The following ARNT2 variants were observed in gnomAD, a reference collection of about 807,000 sequenced individuals.
ARNT2 encodes ARNT protein 2.
A neutral mutation model predicts 91.7 loss-of-function variants in ARNT2; 36 were observed. That is an observed-to-expected ratio of 0.39 (90% CI 0.30 to 0.52). ARNT2 has a LOEUF of 0.52. Among genes scored for constraint, ARNT2 ranks in the 20% least tolerant of loss-of-function variants. The pLI is 0.72. For missense variants in ARNT2, 775 were observed against 939.3 expected (o/e 0.83, Z 2.29); for synonymous variants, 365 against 347.1 (o/e 1.05, Z -0.57).
intron 5 of ARNT2, among the ~76,000 whole-genome samples, chr15:80,479,582 T>A (rs1466574344): frequency 6.6e-6 from 1 of 152,196 alleles, no homozygotes; most frequent in Non-Finnish European, 1.5e-5. Flanking sequence ...TCCCCTCATC[T>A]TGACCCAGGA....
rs762553228 is a variant in ARNT2, at chr15:80,580,484, A to G, written c.1687A>G (p.Ile563Val). The change falls in exon 16 of 19, where the codon ATC becomes GTC. Residue 563 changes from isoleucine to valine, a missense_variant. Physicochemically the swap from Ile to Val is conservative, Grantham distance 29. Around this residue, in one of 5 missense-constraint regions of ARNT2, gnomAD observed 325 missense variants for 359.9 expected, o/e 0.90. Transcript: ENST00000303329. ...TTCCACGGGCCAGAACATGTCCCAA[A>G]TCTCCCGGCAGCTAAACCAGAGTCA... The part of the protein sequence containing the change: ...SSSTGQNMSQ[I>V]SRQLNQSQVA... The G allele has an allele frequency of 8.1e-6, 13 of 1,614,024 alleles. No homozygotes were observed. Among genetic ancestry groups the G allele is most frequent in the South Asian group, 1.1e-5 (1 of 91,084 alleles).
chr15:80,547,741 A>C (rs1470523198), intron 8 of ARNT2, among the ~76,000 whole-genome samples: 1 of 152,170 alleles, frequency 6.6e-6, no homozygotes, highest in African/African-American at 2.4e-5. Context: ...CATAATTTTG[A>C]CCAGTATCTA....
At chr15:80,487,221 C>T (rs1156307948) in intron 5 of ARNT2, among the ~76,000 whole-genome samples, 5 of 152,186 alleles carry the variant, frequency 3.3e-5, no homozygotes. Context: ...TTTGTCCTGA[C>T]CTGATTCATC....
chr15:80,554,980 G>A (rs896716874), intron 10 of ARNT2, 85 bp from the exon 11 acceptor site: 4 of 1,418,404 alleles, frequency 2.8e-6, no homozygotes, highest in Non-Finnish European at 4.0e-6. Context: ...TAAAGGAGAT[G>A]GAAATGAACA....
At chr15:80,445,304 C>T (rs1283164268) in intron 1 of ARNT2, among the ~76,000 whole-genome samples, 2 of 120,406 alleles carry the variant, frequency 1.7e-5, no homozygotes, top group South Asian at 5.5e-4. Context: ...GTATATGTGT[C>T]GAGAGTGGTG....
intron 5 of ARNT2, among the ~76,000 whole-genome samples, chr15:80,477,655 C>A (rs1405932849): frequency 6.6e-6 from 1 of 152,182 alleles, no homozygotes; most frequent in African/African-American, 2.4e-5. Context: ...GTCTCTGCCT[C>A]TTCTTATGAG....
At chr15:80,466,095 C>T (rs747530069) in intron 3 of ARNT2, among the ~76,000 whole-genome samples, 1 of 152,232 alleles carries the variant, frequency 6.6e-6, no homozygotes, top group Non-Finnish European at 1.5e-5. Context: ...CTGCTTGCTC[C>T]GGGTCTAAGG....
chr15:80,551,595 A>C (rs1898082117), intron 9 of ARNT2, among the ~76,000 whole-genome samples: 1 of 152,168 alleles, frequency 6.6e-6, no homozygotes, highest in East Asian at 1.9e-4. Flanking sequence ...TATGGGATGA[A>C]GTCCAAGCTC....
chr15:80,549,345 C>A (rs1381291611), intron 8 of ARNT2, among the ~76,000 whole-genome samples: 2 of 152,022 alleles, frequency 1.3e-5, no homozygotes, highest in African/African-American at 4.8e-5. Flanking sequence ...GACTCAGACT[C>A]CAGAGGTAAA....
intron 8 of ARNT2, among the ~76,000 whole-genome samples, chr15:80,528,926 T>C (rs1897690718): frequency 6.6e-6 from 1 of 152,154 alleles, no homozygotes; most frequent in South Asian, 2.1e-4. Flanking sequence ...AAGAAACAGG[T>C]TTGCCATTTC....
At chr15:80,588,548 C>T (rs905313853) in intron 17 of ARNT2, among the ~76,000 whole-genome samples, 1 of 152,114 alleles carries the variant, frequency 6.6e-6, no homozygotes, top group African/African-American at 2.4e-5. Flanking sequence ...GAACCTGACC[C>T]CTGGCTTACC....
chr15:80,456,036 G>T (rs1454633918), intron 2 of ARNT2, among the ~76,000 whole-genome samples: 1 of 152,166 alleles, frequency 6.6e-6, no homozygotes, highest in African/African-American at 2.4e-5. Context: ...GGTGAATTTG[G>T]TTACAGCATT....
At chr15:80,448,934 A>G (rs4778794) in intron 1 of ARNT2, among the ~76,000 whole-genome samples, 137,000 of 152,100 alleles carry the variant, frequency 0.9, 61,787 homozygotes, top group East Asian at 1. Flanking sequence ...GCAGTGAGCC[A>G]AGATCACGCC....
intron 8 of ARNT2, among the ~76,000 whole-genome samples, chr15:80,536,955 A>G (rs1441046724): frequency 6.6e-6 from 1 of 152,162 alleles, no homozygotes; most frequent in East Asian, 1.9e-4. Flanking sequence ...GGGGTGCTCA[A>G]AGCCTCAAGC....
At chr15:80,571,496 G>T (rs1898582935) in intron 12 of ARNT2, among the ~76,000 whole-genome samples, 1 of 152,186 alleles carries the variant, frequency 6.6e-6, no homozygotes, top group South Asian at 2.1e-4. Flanking sequence ...TGCCTTGCCT[G>T]TTTGCCTGGG....
intron 8 of ARNT2, among the ~76,000 whole-genome samples, chr15:80,546,920 G>A (rs939483964): frequency 2.0e-5 from 3 of 151,718 alleles, no homozygotes; most frequent in African/African-American, 2.4e-5. Context: ...CCGAGATCAC[G>A]CCATTGCACT....
At chr15:80,405,941 A>G (rs114408576) in intron 1 of ARNT2, among the ~76,000 whole-genome samples, 1,599 of 152,304 alleles carry the variant, frequency 0.01, 33 homozygotes, top group African/African-American at 0.037. Context: ...GGTATTGAAC[A>G]AGGAAATCGC....
At chr15:80,522,460 T>C (rs1359721943) in intron 8 of ARNT2, among the ~76,000 whole-genome samples, 1 of 152,166 alleles carries the variant, frequency 6.6e-6, no homozygotes, top group Non-Finnish European at 1.5e-5. Flanking sequence ...AAATGTGTCA[T>C]TAGGCAATTT....
chr15:80,596,992 C>G lies in ARNT2; in HGVS notation c.*3294C>G. The G allele has an allele frequency of 5.4e-6, 2 of 372,056 alleles. No homozygotes were observed. Among genetic ancestry groups the G allele is most frequent in the Non-Finnish European group, 1.1e-5 (2 of 187,806 alleles). The allele number at this position is 372,056 out of a possible 1,614,324, so 23.0% of individuals were successfully genotyped here. A position where few individuals can be genotyped will look rare whatever the true frequency, so the allele number is the denominator to read the frequency against. On this transcript the variant is annotated 3_prime_UTR_variant, in exon 19 of 19. Coordinates refer to ENST00000303329, the MANE Select transcript of ARNT2 (RefSeq NM_014862.4). The stretch of plus-strand genomic sequence containing the variant: ...ACAAATAGCCACATTCTGCTCTACT[C>G]TCCAACATACCAGATTCTACACTGT...
Sources: gnomAD v4.1 joint callset for allele counts (sites outside exome capture counted in the v4.1 genomes callset) on GRCh38, gnomAD v4.1.1 for gene constraint, gnomAD v4.1.1 regional missense constraint, MANE v1.5 for transcripts, NCBI Gene and HGNC (gene_info 2026-07-23, HGNC 2026-07-21) for gene names.